The following ATP13A1 variants were observed in gnomAD, a reference collection of about 807,000 sequenced individuals.
ATP13A1 encodes ATPase 13A1, also known as endoplasmic reticulum transmembrane helix translocase.
Under a neutral mutation model 134.8 loss-of-function variants are expected in ATP13A1, and 55 were observed. That is an observed-to-expected ratio of 0.41 (90% CI 0.33 to 0.51). The LOEUF (loss-of-function observed/expected upper bound fraction) is 0.51, where lower values mean the gene tolerates loss of function less well. Ranked by LOEUF, ATP13A1 falls within the 20% of genes least tolerant of loss-of-function variation. The pLI is 0.29. For missense variants in ATP13A1, 1,389 were observed against 1,652.8 expected (o/e 0.84, Z 2.77); for synonymous variants, 775 against 725.1 (o/e 1.07, Z -1.10).
chr19:19,651,746 C>T lies in ATP13A1; in HGVS notation c.2278G>A (p.Glu760Lys), dbSNP rs1333895197. The change falls in exon 17 of 26, where the codon GAG (glutamate) becomes AAG (lysine). Residue 760 changes from glutamate to lysine, a missense_variant. Coordinates refer to ENST00000357324, the MANE Select transcript of ATP13A1 (RefSeq NM_020410.3). The part of the protein sequence containing the change: ...NPLTACHVAQ[E>K]LHFIEKAHTL... ...TGGGCCTTTTCAATGAAGTGCAGCT[C>T]CTGGGCCACGTGGCATGCAGTGAGC... is the stretch of plus-strand genomic sequence containing the variant. 11 of 1,613,256 alleles carry T rather than the reference C, an allele frequency of 6.8e-6. No individual in the cohort carries two copies. Among genetic ancestry groups the T allele is most frequent in the Non-Finnish European group, 9.3e-6 (11 of 1,179,646 alleles).
chr19:19,651,574 G>C (rs912018418), intron 17 of ATP13A1, 115 bp downstream of exon 17: 38 of 726,942 alleles, frequency 5.2e-5, no homozygotes, highest in Non-Finnish European at 7.8e-5. Flanking sequence ...AGTGGTGCCA[G>C]GCATTTGAAG....
At position 19,647,749 on chromosome 19, in the gene ATP13A1, G is replaced by A. The variant is rs1371739057; in HGVS notation, c.2643C>T (p.Leu881=). ...CAACCCGCTCAGGGGCATTGGCCAA[G>A]AGCGCCACACCTGGGGGGCAGGAGG... is the stretch of plus-strand genomic sequence containing the variant. ...ALKHADVGVA[L]LANAPERVVE... The change falls in exon 20 of 26, where the codon CTC becomes CTT. Residue 881 remains leucine (L), a synonymous_variant. Coordinates refer to ENST00000357324, the MANE Select transcript of ATP13A1 (RefSeq NM_020410.3). This position sits in a 1 kb window ranked among gnomAD's most constrained non-coding sequence, Gnocchi z 4.8. 3.8e-6 allele frequency: 6 copies of A among 1,598,602 alleles called. No individual in the cohort carries two copies. The African/African-American group carries it at 5.4e-5, about 14-fold the overall frequency.
Position 19,655,248 on chromosome 19 carries a change from G to C in ATP13A1, c.1535-9C>G. The C allele has an allele frequency of 6.2e-7, 1 of 1,613,970 alleles. No homozygotes were observed. Among genetic ancestry groups the C allele is most frequent in the South Asian group, 1.1e-5 (1 of 91,076 alleles). ...CTCTGTGCAGTACATGTCTAGGGGC[G>C]GGAGTGAGGTCAGGGGTCCTGCTTG... On this transcript the variant is annotated splice_polypyrimidine_tract_variant and intron_variant, in intron 11 of 25. Coordinates refer to ENST00000357324, the MANE Select transcript of ATP13A1 (RefSeq NM_020410.3). The surrounding 1 kb of genome is among the most constrained non-coding windows in gnomAD (Gnocchi z 5.7).
rs766612757 is a variant in ATP13A1, at chr19:19,646,270, C to T, written c.3183G>A (p.Gln1061=). The part of the protein sequence containing the change: ...NLYTILTVML[Q]FFVHFLSLVY... Reference sequence around the variant, plus strand: ...CAAGGCTCAGGAAGTGCACAAAGAACTGGAGCATGACGGTGAGGATGGTGT... The same window carrying T: ...CAAGGCTCAGGAAGTGCACAAAGAATTGGAGCATGACGGTGAGGATGGTGT... Residue 1061 remains glutamine (Q), a synonymous_variant, in exon 23 of 26, where the codon CAG becomes CAA. Transcript: ENST00000357324. 1 of 1,613,860 alleles carries T rather than the reference C, an allele frequency of 6.2e-7. No individual in the cohort carries two copies. The highest frequency in any genetic ancestry group is 8.5e-7 in the Non-Finnish European group (1 of 1,179,882).
At chr19:19,654,408 G>A in intron 13 of ATP13A1, 135 bp downstream of exon 13, 1 of 1,197,780 alleles carries the variant, frequency 8.3e-7, no homozygotes, top group Non-Finnish European at 1.1e-6. Context: ...GTGAGCCTCT[G>A]GCCACCCACC....
At chr19:19,652,866 A>G in intron 15 of ATP13A1, 146 bp from the exon 16 acceptor site, 2 of 1,186,096 alleles carry the variant, frequency 1.7e-6, no homozygotes, top group Non-Finnish European at 2.3e-6. Context: ...TTGGGAGGGG[A>G]GAAATGCCAG....
intron 1 of ATP13A1, chr19:19,662,208 T>G: frequency 1.3e-6 from 2 of 1,534,316 alleles, no homozygotes; most frequent in Non-Finnish European, 1.8e-6. Flanking sequence ...TAACCCCTCC[T>G]TTATTTTGTC....
In ATP13A1 at chr19:19,645,764, G is replaced by C. The variant is rs776746513; in HGVS notation, c.3387C>G (p.Pro1129=). ...YKGPPFMESL[P]ENKPLVWSLA... ...GACTCCACACCAGGGGCTTGTTCTC[G>C]GGCAGGCTCTCCATGAAGGGCGGGC... Residue 1129 remains proline (P), a synonymous_variant, in exon 25 of 26, where the codon CCC becomes CCG. Coordinates refer to ENST00000357324, the MANE Select transcript of ATP13A1 (RefSeq NM_020410.3). The surrounding 1 kb of genome is among the most constrained non-coding windows in gnomAD (Gnocchi z 4.1). 12 of 1,610,530 alleles carry C rather than the reference G, an allele frequency of 7.5e-6. No homozygotes were observed. The highest frequency in any genetic ancestry group is 1.1e-5 in the South Asian group (1 of 90,576).
chr19:19,647,060 C>T lies in ATP13A1; in HGVS notation c.3105+69G>A, dbSNP rs977992704. Reference sequence around the variant, plus strand: ...TCCTGTAACTTGGGGATGACAATTCCCGTGCCTATATCAGCCTGGCCCTGG... The same window carrying T: ...TCCTGTAACTTGGGGATGACAATTCTCGTGCCTATATCAGCCTGGCCCTGG... On this transcript the variant is annotated intron_variant, in intron 22 of 25. Transcript: ENST00000357324. This position sits in a 1 kb window ranked among gnomAD's most constrained non-coding sequence, Gnocchi z 4.8. 3 of 1,488,174 alleles carry T rather than the reference C, an allele frequency of 2.0e-6. No individual in the cohort carries two copies. Among genetic ancestry groups the T allele is most frequent in the Non-Finnish European group, 1.8e-6 (2 of 1,101,872 alleles). The allele number at this position is 1,488,174 out of a possible 1,614,324, so 92.2% of individuals were successfully genotyped here.
At chr19:19,654,978 G>A in intron 12 of ATP13A1, 141 bp downstream of exon 12, 1 of 1,353,018 alleles carries the variant, frequency 7.4e-7, no homozygotes, top group Non-Finnish European at 9.9e-7. Flanking sequence ...AGGACTTTGT[G>A]GGGAGCCCCT....
intron 17 of ATP13A1, chr19:19,651,381 A>AGGATGGG (rs1403038568): frequency 1.2e-5 from 3 of 240,388 alleles, no homozygotes; most frequent in African/African-American, 2.3e-5. Context: ...GATGACACTG[A>AGGATGGG]GGATGGGGAG....
At chr19:19,652,836 G>A (rs984149194) in intron 15 of ATP13A1, 116 bp from the exon 16 acceptor site, 11 of 1,367,352 alleles carry the variant, frequency 8.0e-6, no homozygotes, top group East Asian at 5.1e-5. Flanking sequence ...CCCTGTTCCC[G>A]TAGTGGGCAC....
At chr19:19,662,310 T>G in intron 1 of ATP13A1, 1 of 985,358 alleles carries the variant, frequency 1.0e-6, no homozygotes, top group Non-Finnish European at 1.2e-6. Flanking sequence ...ACAGAACAGG[T>G]TGTCTCTCAG....
At position 19,659,605 on chromosome 19, in the gene ATP13A1, T is replaced by C; in HGVS notation, c.673A>G (p.Asn225Asp). ...IRAAEKKFGS[N>D]KAEMVVPDFS... ...ACAGGCAAATCAAGGACTCACTTGT[T>C]GCTCCCAAATTTCTTCTCAGCTGCT... The change falls in exon 3 of 26, where the codon AAC (asparagine) becomes GAC (aspartate). Residue 225 changes from asparagine (N) to aspartate (D), a missense_variant. Physicochemically the swap from Asn to Asp is conservative, Grantham distance 23. Around this residue, in one of 4 missense-constraint regions of ATP13A1, gnomAD observed 747 missense variants for 956.1 expected, o/e 0.78. Transcript: ENST00000357324. 1 of 1,609,522 alleles carries C rather than the reference T, an allele frequency of 6.2e-7. No individual in the cohort carries two copies.
In ATP13A1 at chr19:19,645,877, G is replaced by A; in HGVS notation, c.3357C>T (p.Tyr1119=). The change falls in exon 24 of 26, where the codon TAC becomes TAT. Residue 1119 remains tyrosine (Y), a synonymous_variant. Transcript: ENST00000357324. The surrounding 1 kb of genome is among the most constrained non-coding windows in gnomAD (Gnocchi z 4.1). ...TTGGGCAGGGCCCAGGCCTTACTTT[G>A]TAATTGATGGCGAAGGTGGCCATCT... The part of the protein sequence containing the change: ...AMQMATFAIN[Y]KGPPFMESLP... The A allele has an allele frequency of 6.2e-7, 1 of 1,613,820 alleles. No homozygotes were observed. Among genetic ancestry groups the A allele is most frequent in the South Asian group, 1.1e-5 (1 of 91,082 alleles).
intron 23 of ATP13A1, 30 bp from the exon 24 acceptor site, chr19:19,646,015 C>G (rs1398101102): frequency 1.1e-5 from 18 of 1,607,604 alleles, no homozygotes; most frequent in Admixed American, 5.0e-5. Context: ...TCAGGGCCCC[C>G]TCTCCTGCTC....
chr19:19,655,255 A>T lies in ATP13A1; in HGVS notation c.1535-16T>A. The T allele has an allele frequency of 6.2e-7, 1 of 1,613,908 alleles. No homozygotes were observed. Among genetic ancestry groups the T allele is most frequent in the Non-Finnish European group, 8.5e-7 (1 of 1,179,862 alleles). On this transcript the variant is annotated splice_polypyrimidine_tract_variant and intron_variant, in intron 11 of 25. Transcript: ENST00000357324. This position sits in a 1 kb window ranked among gnomAD's most constrained non-coding sequence, Gnocchi z 5.7. ...CAGTACATGTCTAGGGGCGGGAGTG[A>T]GGTCAGGGGTCCTGCTTGGCCCCAG... is the stretch of plus-strand genomic sequence containing the variant.
chr19:19,663,634 C>G lies in ATP13A1; in HGVS notation c.33G>C (p.Val11=), dbSNP rs367595809. MAAAAAVGNA[V]PCGARPCGVR... Reference sequence around the variant, plus strand: ...CCCCGCAAGGCCGGGCCCCGCAGGGCACCGCGTTGCCCACCGCCGCCGCTG... The same window carrying G: ...CCCCGCAAGGCCGGGCCCCGCAGGGGACCGCGTTGCCCACCGCCGCCGCTG... The change falls in exon 1 of 26, where the codon GTG becomes GTC. Residue 11 remains valine, a synonymous_variant. Coordinates refer to ENST00000357324, the MANE Select transcript of ATP13A1 (RefSeq NM_020410.3). The G allele has an allele frequency of 3.0e-6, 4 of 1,323,624 alleles. No individual in the cohort carries two copies. The highest frequency in any genetic ancestry group is 3.8e-6 in the Non-Finnish European group (4 of 1,040,234). 82.0% of individuals were successfully genotyped at this position (1,323,624 alleles called of 1,614,324 possible).
At chr19:19,646,065 C>G in intron 23 of ATP13A1, 80 bp from the exon 24 acceptor site, 4 of 1,595,954 alleles carry the variant, frequency 2.5e-6, no homozygotes, top group Non-Finnish European at 3.4e-6. Context: ...TGCCCTGGCA[C>G]AGAGCTAGGG....
Sources: allele counts gnomAD v4.1 joint callset, GRCh38; gene constraint gnomAD v4.1.1; regional missense constraint gnomAD v4.1.1; non-coding constraint Gnocchi (gnomAD v3.1); transcripts MANE v1.5; gene names NCBI Gene and HGNC (gene_info 2026-07-23, HGNC 2026-07-21).